Variants in IGSF21 observed in about 807,000 individuals in gnomAD.
IGSF21 encodes the protein immunoglobulin superfamily member 21.
IGSF21 carries 28 observed loss-of-function variants against 46.8 expected under a neutral mutation model. The ratio of observed to expected loss-of-function variants is 0.60; its 90% CI spans 0.44 to 0.82. The LOEUF (loss-of-function observed/expected upper bound fraction) is 0.82. Ranked by LOEUF, IGSF21 falls within the 40% of genes least tolerant of loss-of-function variation. The probability of loss-of-function intolerance (pLI) is 0.00; values close to 1 mark genes in which losing one functional copy is unlikely to be tolerated. For missense variants in IGSF21, 624 were observed against 665.5 expected (o/e 0.94, Z 0.69); for synonymous variants, 284 against 273.6 (o/e 1.04, Z -0.38).
At chr1:18,279,881 G>A (rs922636880) in intron 2 of IGSF21, among the ~76,000 whole-genome samples, 6 of 152,232 alleles carry the variant, frequency 3.9e-5, no homozygotes, top group Admixed American at 2.6e-4. Context: ...CGGGTCTGCC[G>A]GCGGCCGATC....
chr1:18,289,158 T>TA (rs886433678), intron 2 of IGSF21, among the ~76,000 whole-genome samples: 13 of 151,770 alleles, frequency 8.6e-5, no homozygotes, highest in South Asian at 4.2e-4. Context: ...TTTTGTGTAA[T>TA]AAAAAAAATG....
At chr1:18,188,486 T>C (rs898435131) in intron 1 of IGSF21, among the ~76,000 whole-genome samples, 11 of 152,074 alleles carry the variant, frequency 7.2e-5, no homozygotes, top group African/African-American at 2.7e-4. Flanking sequence ...CCTCACAAAG[T>C]AAAATATAAA....
chr1:18,341,066 T>C (rs985847325), intron 4 of IGSF21, among the ~76,000 whole-genome samples: 48 of 62,902 alleles, frequency 7.6e-4, no homozygotes, highest in African/African-American at 1.3e-3. Flanking sequence ...CCTCTTCTTC[T>C]TCTTCTTCTT....
chr1:18,126,539 T>C (rs1363326959), intron 1 of IGSF21, among the ~76,000 whole-genome samples: 1 of 152,064 alleles, frequency 6.6e-6, no homozygotes, highest in Non-Finnish European at 1.5e-5. Flanking sequence ...ACCTTGACTC[T>C]GACCCTGGAC....
intron 3 of IGSF21, among the ~76,000 whole-genome samples, chr1:18,315,436 G>A (rs974664494): frequency 2.0e-5 from 3 of 152,190 alleles, no homozygotes; most frequent in African/African-American, 7.2e-5. Flanking sequence ...GTCCATCAGG[G>A]CAGGAATCAT....
At chr1:18,332,108 C>T (rs934679069) in intron 3 of IGSF21, among the ~76,000 whole-genome samples, 1 of 152,208 alleles carries the variant, frequency 6.6e-6, no homozygotes, top group Non-Finnish European at 1.5e-5. Flanking sequence ...ATGTGTCACC[C>T]AAGCATATTG....
intron 1 of IGSF21, among the ~76,000 whole-genome samples, chr1:18,218,049 G>A (rs895755778): frequency 6.6e-6 from 1 of 152,180 alleles, no homozygotes; most frequent in African/African-American, 2.4e-5. Flanking sequence ...AGTAGTGTTA[G>A]TCCATTCTTG....
chr1:18,117,365 G>C (rs2086197198), intron 1 of IGSF21, among the ~76,000 whole-genome samples: 1 of 152,204 alleles, frequency 6.6e-6, no homozygotes, highest in South Asian at 2.1e-4. Context: ...AGAGTGAAGG[G>C]AGGAGGAGCG....
chr1:18,159,291 A>G (rs1197472575), intron 1 of IGSF21, among the ~76,000 whole-genome samples: 1 of 152,228 alleles, frequency 6.6e-6, no homozygotes, highest in Non-Finnish European at 1.5e-5. Flanking sequence ...AGCAGGCAAT[A>G]GGGAGCCATG....
chr1:18,298,439 G>A (rs114130938), intron 3 of IGSF21, among the ~76,000 whole-genome samples: 40 of 152,266 alleles, frequency 2.6e-4, no homozygotes, highest in African/African-American at 8.4e-4. Flanking sequence ...TTGGAGGTCC[G>A]GGTGAATCAC....
chr1:18,330,123 C>A (rs2085697709), intron 3 of IGSF21, among the ~76,000 whole-genome samples: 1 of 152,222 alleles, frequency 6.6e-6, no homozygotes, highest in Non-Finnish European at 1.5e-5. Flanking sequence ...TGTGGAAAGC[C>A]TTCTATTCAT....
chr1:18,208,742 A>C (rs969277867), intron 1 of IGSF21, among the ~76,000 whole-genome samples: 2 of 151,830 alleles, frequency 1.3e-5, no homozygotes, highest in Admixed American at 6.6e-5. Flanking sequence ...CTTTTCTCAT[A>C]ATAGCCCCAA....
At chr1:18,192,541 T>C (rs1211332153) in intron 1 of IGSF21, among the ~76,000 whole-genome samples, 1 of 152,186 alleles carries the variant, frequency 6.6e-6, no homozygotes, top group Non-Finnish European at 1.5e-5. Context: ...CTGGGACCCA[T>C]AGAGGGTAAG....
chr1:18,320,854 G>A (rs1003222567), intron 3 of IGSF21, among the ~76,000 whole-genome samples: 5 of 152,210 alleles, frequency 3.3e-5, no homozygotes, highest in Non-Finnish European at 7.3e-5. Context: ...CTCAATGGGT[G>A]GTTGTAGGTA....
At chr1:18,373,315 G>T (rs962617652) in intron 6 of IGSF21, among the ~76,000 whole-genome samples, 1 of 152,180 alleles carries the variant, frequency 6.6e-6, no homozygotes, top group African/African-American at 2.4e-5. Flanking sequence ...GAGACTAAGA[G>T]CATTCCTTTC....
intron 4 of IGSF21, among the ~76,000 whole-genome samples, chr1:18,351,507 G>A (rs899572930): frequency 3.3e-5 from 5 of 152,200 alleles, no homozygotes; most frequent in Non-Finnish European, 5.9e-5. Context: ...GCTGGGGGAA[G>A]ATGAAGAGGG....
At chr1:18,229,894 C>T (rs112238144) in intron 2 of IGSF21, among the ~76,000 whole-genome samples, 1,713 of 152,288 alleles carry the variant, frequency 0.011, 24 homozygotes, top group African/African-American at 0.039. Flanking sequence ...CCTCAGCCAT[C>T]CCATAGATGG....
At position 18,183,326 on chromosome 1, in the gene IGSF21, A is replaced by C. The variant is rs374914962; in HGVS notation, c.71-44572A>C. Among the ~76,000 whole-genome samples, 12 of 152,330 alleles carry C rather than the reference A, an allele frequency of 7.9e-5. No individual in the cohort carries two copies. The East Asian group carries it at 1.9e-3, about 24-fold the overall frequency. ...GGCTCTTCCTTTCCATTAAGTTGTA[A>C]ACTGCATGAGAACTGGACCATGTCT... On this transcript the variant is annotated intron_variant, in intron 1 of 9. Transcript: ENST00000251296.
chr1:18,253,635 A>T (rs1057318980), intron 2 of IGSF21, among the ~76,000 whole-genome samples: 2 of 152,228 alleles, frequency 1.3e-5, no homozygotes, highest in Non-Finnish European at 2.9e-5. Context: ...CCAGTTCAAC[A>T]TGACTTTATT....
Sources: gnomAD v4.1 joint callset for allele counts (sites outside exome capture counted in the v4.1 genomes callset) on GRCh38, gnomAD v4.1.1 for gene constraint, MANE v1.5 for transcripts, NCBI Gene and HGNC (gene_info 2026-07-23, HGNC 2026-07-21) for gene names.